The following RANBP2 variants were observed in gnomAD, a reference collection of about 807,000 sequenced individuals.
RANBP2 encodes the protein RAN binding protein 2, also known as E3 SUMO-protein ligase RanBP2.
Under a neutral mutation model 303.6 loss-of-function variants are expected in RANBP2, and 57 were observed. The observed-to-expected ratio is 0.19, with a 90% confidence interval of 0.15 to 0.23. The LOEUF is 0.23. RANBP2 is among the 10% of genes least tolerant of loss of function. The pLI is 1.00. For synonymous variants in RANBP2, 1,167 were observed against 1,301.5 expected (o/e 0.90, Z 2.23); for missense variants, 3,138 against 3,780.8 (o/e 0.83, Z 4.46).
At chr2:109,212,818 C>CTGGTGAGCTGGTGTGGGGTAGG in the RANBP2 span, among the ~76,000 whole-genome samples, 839 of 152,288 alleles carry the variant, frequency 5.5e-3, 7 homozygotes, top group African/African-American at 0.019. Flanking sequence ...GTTAGACCTC[C>CTGGTGAGCTGGTGTGGGGTAGG]TGGTGAGCTG....
At chr2:109,244,382 T>C in the RANBP2 span, among the ~76,000 whole-genome samples, 14 of 152,192 alleles carry the variant, frequency 9.2e-5, no homozygotes, top group Admixed American at 9.2e-4. Context: ...TCAGGTGGTA[T>C]TATGAAAGTA....
the RANBP2 span, among the ~76,000 whole-genome samples, chr2:109,550,135 A>G: frequency 6.6e-6 from 1 of 151,724 alleles, no homozygotes; most frequent in African/African-American, 2.4e-5. Context: ...TACTAAAAAT[A>G]CAAAATTAGC....
At chr2:108,854,106 AATAT>A in the RANBP2 span, among the ~76,000 whole-genome samples, 372 of 134,186 alleles carry the variant, frequency 2.8e-3, 1 homozygote, top group African/African-American at 9.9e-3. Flanking sequence ...ATATATAATA[AATAT>A]ATATAATATA....
At chr2:108,820,699 CA>C in the RANBP2 span, among the ~76,000 whole-genome samples, 21 of 62,580 alleles carry the variant, frequency 3.4e-4, no homozygotes, top group Non-Finnish European at 5.8e-4. Context: ...ATTCAAAGTG[CA>C]AAAAAAAAAA....
chr2:109,548,705 G>A, the RANBP2 span, among the ~76,000 whole-genome samples: 1 of 148,092 alleles, frequency 6.8e-6, no homozygotes, highest in East Asian at 2.0e-4. Context: ...GAAGCCGGGA[G>A]GCCGAGGTTG....
rs1677619084 is a variant in RANBP2, at chr2:108,773,030, A to C, written c.8276A>C (p.Lys2759Thr). The C allele has an allele frequency of 6.2e-7, 1 of 1,612,020 alleles. No individual in the cohort carries two copies. Among genetic ancestry groups the C allele is most frequent in the Non-Finnish European group, 8.5e-7 (1 of 1,178,730 alleles). Residue 2759 changes from lysine (K) to threonine (T), a missense_variant, in exon 23 of 29, where the codon AAA becomes ACA. Physicochemically the swap from Lys to Thr is moderately conservative, Grantham distance 78 (BLOSUM62 -1). Transcript: ENST00000283195. ...NGEDFQSELQKVQEAQKSQTE... is the reference protein window; with the variant it reads ...NGEDFQSELQTVQEAQKSQTE... Reference sequence around the variant, plus strand: ...GAGGACTTTCAATCAGAGCTTCAAAAAGTTCAGGAAGCTCAAGTAAGAACA... The same window carrying C: ...GAGGACTTTCAATCAGAGCTTCAAACAGTTCAGGAAGCTCAAGTAAGAACA...
At chr2:109,385,338 C>G in the RANBP2 span, among the ~76,000 whole-genome samples, 2 of 152,216 alleles carry the variant, frequency 1.3e-5, no homozygotes, top group Non-Finnish European at 2.9e-5. Flanking sequence ...AGTTTGGGGG[C>G]CCTGCACAAC....
At chr2:109,541,400 T>C in the RANBP2 span, among the ~76,000 whole-genome samples, 20 of 152,336 alleles carry the variant, frequency 1.3e-4, no homozygotes, top group Admixed American at 9.1e-4. Context: ...ATCAGTATTG[T>C]TTAAACACTC....
At chr2:109,402,796 G>A in the RANBP2 span, among the ~76,000 whole-genome samples, 1 of 152,240 alleles carries the variant, frequency 6.6e-6, no homozygotes, top group East Asian at 1.9e-4. Context: ...CGTGGGTTGT[G>A]TGTCCCAGTG....
At chr2:109,000,039 A>G in the RANBP2 span, among the ~76,000 whole-genome samples, 1 of 152,222 alleles carries the variant, frequency 6.6e-6, no homozygotes. Context: ...CTTTATCAAA[A>G]CTGGATCTGG....
chr2:109,611,303 G>A, the RANBP2 span, among the ~76,000 whole-genome samples: 1 of 152,144 alleles, frequency 6.6e-6, no homozygotes, highest in Non-Finnish European at 1.5e-5. Flanking sequence ...GACACCAAAA[G>A]CACAATCCAT....
At chr2:109,622,316 G>A in the RANBP2 span, among the ~76,000 whole-genome samples, 1 of 152,302 alleles carries the variant, frequency 6.6e-6, no homozygotes, top group South Asian at 2.1e-4. Context: ...AGTGGTACAG[G>A]AAATACCACT....
the RANBP2 span, among the ~76,000 whole-genome samples, chr2:108,805,244 C>G: frequency 6.6e-6 from 1 of 152,014 alleles, no homozygotes; most frequent in Non-Finnish European, 1.5e-5. Flanking sequence ...ACCTGATAAC[C>G]TGAGAACTGA....
chr2:109,532,562 CGGTGAG>C, the RANBP2 span, among the ~76,000 whole-genome samples: 6,192 of 152,160 alleles, frequency 0.041, 383 homozygotes, highest in African/African-American at 0.14. Context: ...GCCCTGACCC[CGGTGAG>C]GGCTTGCTCC....
At chr2:108,857,275 CA>C in the RANBP2 span, among the ~76,000 whole-genome samples, 10 of 151,986 alleles carry the variant, frequency 6.6e-5, no homozygotes, top group Non-Finnish European at 1.2e-4. Flanking sequence ...GACGGGGTTT[CA>C]CCATGTTGGC....
the RANBP2 span, among the ~76,000 whole-genome samples, chr2:109,381,311 GT>G: frequency 6.6e-6 from 1 of 152,218 alleles, no homozygotes. Flanking sequence ...GGCTCCAGCT[GT>G]TTTTCTGCTT....
At chr2:109,642,623 C>T in the RANBP2 span, among the ~76,000 whole-genome samples, 1 of 150,548 alleles carries the variant, frequency 6.6e-6, no homozygotes, top group East Asian at 2.0e-4. Flanking sequence ...GTGACGTGCA[C>T]CTGTAGGCAA....
At chr2:109,551,794 A>G in the RANBP2 span, among the ~76,000 whole-genome samples, 1 of 152,188 alleles carries the variant, frequency 6.6e-6, no homozygotes, top group African/African-American at 2.4e-5. Context: ...TTACAGATTA[A>G]CTCTTCAAGA....
the RANBP2 span, chr2:108,908,125 G>A: frequency 1.5e-6 from 2 of 1,296,946 alleles, no homozygotes; most frequent in South Asian, 3.1e-5. Flanking sequence ...GACAGTGGGG[G>A]GCAATGACTT....
Sources: gnomAD v4.1 joint callset for allele counts (sites outside exome capture counted in the v4.1 genomes callset) on GRCh38, gnomAD v4.1.1 for gene constraint, MANE v1.5 for transcripts, NCBI Gene and HGNC (gene_info 2026-07-23, HGNC 2026-07-21) for gene names.